The following CFAP54 variants were observed in gnomAD, a reference collection of about 807,000 sequenced individuals.
The protein encoded by CFAP54 is cilia and flagella associated protein 54.
In CFAP54, 290 loss-of-function variants were observed where a neutral mutation model predicts 370.4. The ratio of observed to expected loss-of-function variants is 0.78; its 90% confidence interval spans 0.71 to 0.86. The LOEUF (loss-of-function observed/expected upper bound fraction) is 0.86. Among genes scored for constraint, CFAP54 ranks in the 40% least tolerant of loss-of-function variants. The pLI is 0.00. For synonymous variants in CFAP54, 1,206 were observed against 1,236.5 expected, an observed-to-expected ratio of 0.98 and a Z score of 0.52; for missense variants, 3,399 against 3,528.7, an observed-to-expected ratio of 0.96 and a Z score of 0.93.
chr12:96,637,913 A>G (rs1289888544), intron 32 of CFAP54, among the ~76,000 whole-genome samples: 3 of 152,188 alleles, frequency 2.0e-5, no homozygotes, highest in Admixed American at 6.6e-5. Context: ...AATTGCCTAC[A>G]GTATTTATTA....
intron 40 of CFAP54, among the ~76,000 whole-genome samples, chr12:96,684,361 C>T (rs756991899): frequency 2.6e-5 from 4 of 152,096 alleles, no homozygotes; most frequent in Non-Finnish European, 4.4e-5. Context: ...CCTTGCATGC[C>T]GTTTCTAAGT....
intron 3 of CFAP54, among the ~76,000 whole-genome samples, chr12:96,504,992 CTTT>C (rs374527151): frequency 3.6e-5 from 5 of 137,568 alleles, no homozygotes; most frequent in Non-Finnish European, 6.3e-5. Flanking sequence ...TTTCTTCTTT[CTTT>C]TTCTTTCTTT....
chr12:96,657,887 T>G lies in CFAP54; in HGVS notation c.5106T>G (p.Ile1702Met). The G allele has an allele frequency of 6.2e-7, 1 of 1,606,742 alleles. No individual in the cohort carries two copies. Among genetic ancestry groups the G allele is most frequent in the Non-Finnish European group, 8.5e-7 (1 of 1,176,356 alleles). Residue 1702 changes from isoleucine to methionine, a missense_variant, in exon 37 of 68, where the codon ATT (isoleucine) becomes ATG (methionine). By Grantham distance (10) the Ile-to-Met change is conservative (BLOSUM62 1). This residue lies in a region of CFAP54 where 2,796 missense variants were observed against 2,869.7 expected (regional missense o/e 0.97). Transcript: ENST00000524981. ...QLQNTSSIKP[I>M]EDKGEFSVPS... ...TTTCACTGTGCTACTTGCAGCCTAT[T>G]GAAGACAAAGGAGAATTCAGTGTTC...
At chr12:96,788,551 C>T (rs940598990) in intron 62 of CFAP54, among the ~76,000 whole-genome samples, 1 of 152,108 alleles carries the variant, frequency 6.6e-6, no homozygotes, top group Non-Finnish European at 1.5e-5. Context: ...CCAACTCTCC[C>T]AGAGAAGTTC....
In CFAP54 at chr12:96,742,481, T is replaced by C; in HGVS notation, c.7114T>C (p.Ser2372Pro). 1 of 1,605,468 alleles carries C rather than the reference T, an allele frequency of 6.2e-7. No homozygotes were observed. The highest frequency in any genetic ancestry group is 2.2e-5 in the East Asian group (1 of 44,774). ...KDDSEFLDPI[S>P]LNAREYFNIH... is the part of the protein sequence containing the mutation. ...TGACAGTGAGTTTTTAGATCCTATT[T>C]CCCTAAATGCCCGAGAATATTTCAA... The change falls in exon 52 of 68, where the codon TCC becomes CCC. Residue 2372 changes from serine (S) to proline (P), a missense_variant. Ser to Pro is a moderately conservative substitution (Grantham distance 74). Transcript: ENST00000524981.
At chr12:96,861,973 A>G (rs746681790) in intron 67 of CFAP54, among the ~76,000 whole-genome samples, 5 of 152,230 alleles carry the variant, frequency 3.3e-5, no homozygotes, top group African/African-American at 4.8e-5. Context: ...AAATTGGTTT[A>G]ATGTATCATC....
chr12:96,558,975 G>T (rs1955786350), intron 17 of CFAP54, among the ~76,000 whole-genome samples: 1 of 152,142 alleles, frequency 6.6e-6, no homozygotes, highest in Admixed American at 6.5e-5. Flanking sequence ...CAGCACTCTG[G>T]GAGTCAGAGG....
At chr12:96,685,464 G>T (rs1021019409) in intron 42 of CFAP54, among the ~76,000 whole-genome samples, 1 of 152,054 alleles carries the variant, frequency 6.6e-6, no homozygotes, top group Non-Finnish European at 1.5e-5. Flanking sequence ...AGTGTCACCC[G>T]GGCCCAGGTG....
intron 56 of CFAP54, 148 bp downstream of exon 56, chr12:96,754,046 C>T: frequency 1.6e-6 from 1 of 623,076 alleles, no homozygotes; most frequent in Admixed American, 3.6e-5. Context: ...GGTACCTCCA[C>T]CAAATCCAGT....
intron 1 of CFAP54, among the ~76,000 whole-genome samples, chr12:96,492,974 G>A (rs1215498654): frequency 6.7e-6 from 1 of 148,860 alleles, no homozygotes; most frequent in Non-Finnish European, 1.5e-5. Context: ...CACCCTGGAT[G>A]ACAGAATGAG....
chr12:96,596,147 G>A (rs1039750754), intron 25 of CFAP54, among the ~76,000 whole-genome samples: 5 of 152,066 alleles, frequency 3.3e-5, no homozygotes, highest in South Asian at 4.1e-4. Context: ...ATGAGAACTC[G>A]GATAGAAAAG....
chr12:96,735,175 T>C lies in CFAP54; in HGVS notation c.6966-4781T>C, dbSNP rs75852952. ...TTGAAAGACATGCTCCCCACGGAGA[T>C]AGAAAAATAGAAAAGCTTTAATAGA... On this transcript the variant is annotated intron_variant, in intron 50 of 67. Coordinates refer to ENST00000524981, the MANE Select transcript of CFAP54 (RefSeq NM_001306084.2). Among the ~76,000 whole-genome samples the C allele has an allele frequency of 9.6e-3, 1,465 of 152,208 alleles. 54 individuals carry two copies. The East Asian group carries it at 0.1, about 11-fold the overall frequency.
intron 63 of CFAP54, among the ~76,000 whole-genome samples, chr12:96,800,967 A>G (rs1357248023): frequency 6.6e-6 from 1 of 152,204 alleles, no homozygotes; most frequent in East Asian, 1.9e-4. Flanking sequence ...TCCTGGCTAT[A>G]GGCACTTCTA....
intron 64 of CFAP54, among the ~76,000 whole-genome samples, chr12:96,812,875 T>A (rs554073986): frequency 1.3e-4 from 20 of 152,062 alleles, no homozygotes; most frequent in Non-Finnish European, 2.6e-4. Context: ...TCTTTTCTTC[T>A]TTTCTCCTCT....
chr12:96,562,223 G>T (rs1283760422), intron 17 of CFAP54, among the ~76,000 whole-genome samples: 1 of 151,818 alleles, frequency 6.6e-6, no homozygotes, highest in Non-Finnish European at 1.5e-5. Context: ...GTTTTATCCT[G>T]GCAAATTAAC....
In CFAP54 at chr12:96,589,544, A is replaced by G; in HGVS notation, c.3193A>G (p.Ile1065Val). 6 of 1,458,892 alleles carry G rather than the reference A, an allele frequency of 4.1e-6. No homozygotes were observed. The highest frequency in any genetic ancestry group is 5.6e-6 in the Non-Finnish European group (6 of 1,078,072). The allele number at this position is 1,458,892 out of a possible 1,614,324, so 90.4% of individuals were successfully genotyped here. ...ATCTGTTATTTGTTTAAGCAATATA[A>G]TTACTATTACACAAAGAAGGTAATT... Reference protein sequence around the residue: ...EQSVICLSNIITITQRRLHSD... With the variant: ...EQSVICLSNIVTITQRRLHSD... Residue 1065 changes from isoleucine to valine, a missense_variant, in exon 23 of 68, where the codon ATT (isoleucine) becomes GTT (valine). By Grantham distance (29) the Ile-to-Val change is conservative. This residue lies in a region of CFAP54 where 2,796 missense variants were observed against 2,869.7 expected (regional missense o/e 0.97). Transcript: ENST00000524981.
chr12:96,627,474 A>G (rs750131619), intron 30 of CFAP54, among the ~76,000 whole-genome samples: 1 of 152,216 alleles, frequency 6.6e-6, no homozygotes, highest in Admixed American at 6.5e-5. Context: ...AATGAATCCA[A>G]CTTTTCTTTT....
intron 64 of CFAP54, among the ~76,000 whole-genome samples, chr12:96,815,347 T>A (rs1337705601): frequency 6.6e-6 from 1 of 152,244 alleles, no homozygotes; most frequent in Non-Finnish European, 1.5e-5. Context: ...GCTGCCTAAA[T>A]GTCTTTTTTT....
chr12:96,588,045 T>C (rs970737665), intron 22 of CFAP54, among the ~76,000 whole-genome samples: 6 of 152,190 alleles, frequency 3.9e-5, no homozygotes, highest in Non-Finnish European at 2.9e-5. Flanking sequence ...AAGTGCTTAG[T>C]CCAGTACTTG....
Sources: gnomAD v4.1 joint callset for allele counts (sites outside exome capture counted in the v4.1 genomes callset) on GRCh38, gnomAD v4.1.1 for gene constraint, gnomAD v4.1.1 regional missense constraint, MANE v1.5 for transcripts, NCBI Gene and HGNC (gene_info 2026-07-23, HGNC 2026-07-21) for gene names.